Variants in SLC35F2 observed in about 807,000 individuals in gnomAD.
The protein encoded by SLC35F2 is queuine/queuosine transporter SLC35F2.
A neutral mutation model predicts 38.1 loss-of-function variants in SLC35F2; 25 were observed. The observed-to-expected ratio is 0.66, with a 90% confidence interval of 0.48 to 0.92. The LOEUF is 0.92. Among genes scored for constraint, SLC35F2 ranks in the 40% least tolerant of loss-of-function variants. The probability of loss-of-function intolerance (pLI) is 0.00; values close to 1 mark genes in which losing one functional copy is unlikely to be tolerated. For synonymous variants in SLC35F2, 173 were observed against 181.7 expected, an observed-to-expected ratio of 0.95 and a Z score of 0.38; for missense variants, 409 against 452.9, an observed-to-expected ratio of 0.90 and a Z score of 0.88.
chr11:107,832,497 T>C (rs1453831428), intron 1 of SLC35F2, among the ~76,000 whole-genome samples: 6 of 152,172 alleles, frequency 3.9e-5, no homozygotes, highest in Admixed American at 1.3e-4. Context: ...ATACTAGTTT[T>C]CAAACAATGA....
At chr11:107,840,936 CGAG>C (rs762989065) in intron 1 of SLC35F2, among the ~76,000 whole-genome samples, 4 of 152,022 alleles carry the variant, frequency 2.6e-5, no homozygotes, top group African/African-American at 4.8e-5. Flanking sequence ...GCGGAGGCGG[CGAG>C]GAGATTTCCT....
chr11:107,846,774 T>C (rs2134854327), intron 1 of SLC35F2, among the ~76,000 whole-genome samples: 1 of 151,948 alleles, frequency 6.6e-6, no homozygotes, highest in South Asian at 2.1e-4. Context: ...TCTACAAAAA[T>C]ACAAAACTTA....
At chr11:107,813,016 T>C (rs1859506458) in intron 2 of SLC35F2, among the ~76,000 whole-genome samples, 1 of 152,232 alleles carries the variant, frequency 6.6e-6, no homozygotes, top group South Asian at 2.1e-4. Context: ...TTGGAGAATC[T>C]GTCATCACAG....
At chr11:107,827,486 C>T (rs1455926164) in intron 1 of SLC35F2, among the ~76,000 whole-genome samples, 4 of 152,046 alleles carry the variant, frequency 2.6e-5, no homozygotes, top group Non-Finnish European at 2.9e-5. Context: ...TGGTGGCTCA[C>T]GCCTGTAATC....
intron 1 of SLC35F2, among the ~76,000 whole-genome samples, chr11:107,857,105 G>GCCAGGATTTGAGT (rs1416209287): frequency 1.4e-5 from 2 of 141,392 alleles, no homozygotes; most frequent in Admixed American, 1.4e-4. Context: ...AGGTCACCCA[G>GCCAGGATTTGAGT]CAGAAGGAAG....
At position 107,792,588 on chromosome 11, in the gene SLC35F2, G is replaced by C. The variant is rs1565425080; in HGVS notation, c.*27C>G. On this transcript the variant is annotated 3_prime_UTR_variant, in exon 8 of 8. Transcript: ENST00000525815. Reference sequence around the variant, plus strand: ...GCAGCAGGCTCTGCTTTATCCTGGTGGGGGATGGGTGCGCCATCTTCTCCA... The same window carrying C: ...GCAGCAGGCTCTGCTTTATCCTGGTCGGGGATGGGTGCGCCATCTTCTCCA... The C allele has an allele frequency of 1.3e-6, 2 of 1,577,086 alleles. No individual in the cohort carries two copies. Among genetic ancestry groups the C allele is most frequent in the Non-Finnish European group, 1.7e-6 (2 of 1,163,238 alleles).
At chr11:107,823,260 T>A in intron 1 of SLC35F2, 1 of 978,214 alleles carries the variant, frequency 1.0e-6, no homozygotes, top group African/African-American at 1.7e-5. Context: ...CTTTTCTTTT[T>A]ATTTGAAAAA....
chr11:107,821,220 A>G (rs571261773), intron 1 of SLC35F2, among the ~76,000 whole-genome samples: 5 of 152,334 alleles, frequency 3.3e-5, no homozygotes, highest in African/African-American at 1.2e-4. Flanking sequence ...AAAGTGTGGA[A>G]GCATTAAGCC....
intron 1 of SLC35F2, among the ~76,000 whole-genome samples, chr11:107,825,163 G>T (rs1430849511): frequency 6.6e-6 from 1 of 152,126 alleles, no homozygotes; most frequent in African/African-American, 2.4e-5. Context: ...ATGAGGAACT[G>T]AATTTTTTGT....
intron 7 of SLC35F2, among the ~76,000 whole-genome samples, chr11:107,794,311 C>A (rs937058294): frequency 1.3e-5 from 2 of 152,070 alleles, no homozygotes; most frequent in Non-Finnish European, 2.9e-5. Context: ...GAACACCAGA[C>A]CTTGTGATCC....
chr11:107,842,493 A>G (rs1285756220), intron 1 of SLC35F2, among the ~76,000 whole-genome samples: 1 of 151,884 alleles, frequency 6.6e-6, no homozygotes, highest in East Asian at 1.9e-4. Context: ...AGCTGGGATT[A>G]CAGGAAATGT....
intron 3 of SLC35F2, among the ~76,000 whole-genome samples, chr11:107,807,532 C>T (rs896488175): frequency 6.6e-6 from 1 of 151,796 alleles, no homozygotes. Flanking sequence ...TGCACTTTAC[C>T]TCTATGCTCC....
chr11:107,829,775 AT>A (rs57157970), intron 1 of SLC35F2, among the ~76,000 whole-genome samples: 2,976 of 151,968 alleles, frequency 0.02, 86 homozygotes, highest in African/African-American at 0.067. Flanking sequence ...GTAGAAAAAA[AT>A]ATATATATCC....
At chr11:107,858,428 C>T in intron 1 of SLC35F2, 1 of 386,786 alleles carries the variant, frequency 2.6e-6, no homozygotes. Context: ...CAAAATACAT[C>T]GCCACGATTT....
At chr11:107,843,887 ATATATATATATATATATATATG>A (rs1208953583) in intron 1 of SLC35F2, among the ~76,000 whole-genome samples, 2 of 73,928 alleles carry the variant, frequency 2.7e-5, no homozygotes, top group African/African-American at 8.8e-5. Context: ...ATATATATAT[ATATATATATATATATATATATG>A]TATATTAATT....
intron 1 of SLC35F2, among the ~76,000 whole-genome samples, chr11:107,857,056 G>A (rs1036233388): frequency 4.7e-5 from 7 of 148,348 alleles, no homozygotes; most frequent in Non-Finnish European, 1.0e-4. Flanking sequence ...AGGGAGGGGC[G>A]GAGGGAGGGA....
At chr11:107,795,964 T>A (rs571866556) in intron 7 of SLC35F2, among the ~76,000 whole-genome samples, 1 of 152,212 alleles carries the variant, frequency 6.6e-6, no homozygotes, top group Admixed American at 6.5e-5. Context: ...TGAAACCTCA[T>A]CTCTACTAAA....
At chr11:107,813,400 G>A (rs1859514069) in intron 2 of SLC35F2, among the ~76,000 whole-genome samples, 2 of 152,086 alleles carry the variant, frequency 1.3e-5, no homozygotes, top group Admixed American at 1.3e-4. Flanking sequence ...AGCCGAGATT[G>A]TGCCATTGAC....
At chr11:107,854,729 C>T (rs981324241) in intron 1 of SLC35F2, among the ~76,000 whole-genome samples, 1 of 152,158 alleles carries the variant, frequency 6.6e-6, no homozygotes, top group Admixed American at 6.5e-5. Context: ...TCACTTAGAA[C>T]ATATCCTCCT....
Sources: gnomAD v4.1 joint callset for allele counts (sites outside exome capture counted in the v4.1 genomes callset) on GRCh38, gnomAD v4.1.1 for gene constraint, MANE v1.5 for transcripts, NCBI Gene and HGNC (gene_info 2026-07-23, HGNC 2026-07-21) for gene names.